Variants in ZFR observed in about 807,000 individuals in gnomAD.
ZFR encodes the protein zinc finger RNA binding protein, also known as zinc finger RNA-binding protein.
ZFR carries 19 observed loss-of-function variants against 130.7 expected under a neutral mutation model. The ratio of observed to expected loss-of-function variants is 0.15; its 90% CI spans 0.10 to 0.21. The LOEUF is 0.21. ZFR is among the 10% of genes least tolerant of loss of function. ZFR has a pLI of 1.00. For missense variants in ZFR, 872 were observed against 1,321.5 expected, an observed-to-expected ratio of 0.66 and a Z score of 5.27; for synonymous variants, 466 against 456.9, an observed-to-expected ratio of 1.02 and a Z score of -0.25.
At chr5:32,361,573 A>C (rs1419466914) in intron 19 of ZFR, among the ~76,000 whole-genome samples, 1 of 151,868 alleles carries the variant, frequency 6.6e-6, no homozygotes, top group East Asian at 1.9e-4. Flanking sequence ...ATGAATATTT[A>C]TACATTTTTA....
intron 14 of ZFR, 31 bp downstream of exon 14, chr5:32,387,518 G>C: frequency 6.2e-7 from 1 of 1,605,836 alleles, no homozygotes; most frequent in Non-Finnish European, 8.5e-7. Flanking sequence ...ACCAGACAAG[G>C]GGTAAAAATG....
chr5:32,380,216 T>C, intron 15 of ZFR, 44 bp from the exon 16 acceptor site: 1 of 1,491,366 alleles, frequency 6.7e-7, no homozygotes, highest in Non-Finnish European at 9.3e-7. Context: ...GAATGGGTGT[T>C]TGACCAGGTG....
At chr5:32,430,249 G>C (rs1754174625) in intron 2 of ZFR, among the ~76,000 whole-genome samples, 2 of 152,018 alleles carry the variant, frequency 1.3e-5, no homozygotes. Flanking sequence ...TCAAAACTAA[G>C]ACTAAGGAAC....
Position 32,435,196 on chromosome 5 carries a change from C to T in ZFR, c.137+9033G>A, listed in dbSNP as rs987060087. Among the ~76,000 whole-genome samples, 4 of 152,180 alleles carry T rather than the reference C, an allele frequency of 2.6e-5. No homozygotes were observed. The South Asian group carries it at 6.2e-4, about 24-fold the overall frequency. ...AAAATGCTGGGATTACAGGCATGAA[C>T]CACAACACCCGACCTCTGTAACTTT... is the stretch of plus-strand genomic sequence containing the variant. On this transcript the variant is annotated intron_variant, in intron 2 of 19. Coordinates refer to ENST00000265069, the MANE Select transcript of ZFR (RefSeq NM_016107.5).
chr5:32,392,630 T>A (rs1172002145), intron 11 of ZFR, among the ~76,000 whole-genome samples: 1 of 152,188 alleles, frequency 6.6e-6, no homozygotes, highest in Non-Finnish European at 1.5e-5. Context: ...TAGCAGGGGT[T>A]CTCCAGGTGC....
chr5:32,374,669 C>T (rs746305192), intron 17 of ZFR, among the ~76,000 whole-genome samples: 21 of 150,134 alleles, frequency 1.4e-4, no homozygotes, highest in Non-Finnish European at 2.5e-4. Context: ...ACTTTACTGG[C>T]TAGTCTAATC....
intron 2 of ZFR, among the ~76,000 whole-genome samples, chr5:32,422,508 T>C (rs1488258467): frequency 1.3e-5 from 2 of 151,982 alleles, no homozygotes; most frequent in African/African-American, 2.4e-5. Context: ...ACCAAAAGCA[T>C]GAGGAAGGCT....
In ZFR at chr5:32,354,631, TTAGA is replaced by T. The variant is rs1178266613; in HGVS notation, c.*1125_*1128del. ...ACCAAATAATTTTCTGTTTTTTTCCTTAGATAATTTTTTATCAGTAATACTTTAT... is the reference window on the plus strand; with the variant it reads ...ACCAAATAATTTTCTGTTTTTTTCCTTAATTTTTTATCAGTAATACTTTAT... On this transcript the variant is annotated 3_prime_UTR_variant, in exon 20 of 20. Coordinates refer to ENST00000265069, the MANE Select transcript of ZFR (RefSeq NM_016107.5). The T allele has an allele frequency of 2.0e-5, 3 of 152,768 alleles. No individual in the cohort carries two copies. The highest frequency in any genetic ancestry group is 6.5e-5 in the Admixed American group (1 of 15,306). The allele number at this position is 152,768 out of a possible 1,614,324, so 9.5% of individuals were successfully genotyped here.
At chr5:32,371,929 G>A (rs1438919853) in intron 17 of ZFR, among the ~76,000 whole-genome samples, 1 of 151,950 alleles carries the variant, frequency 6.6e-6, no homozygotes, top group African/African-American at 2.4e-5. Flanking sequence ...CTTGGTTCAG[G>A]GGAATATAAA....
chr5:32,443,539 C>G (rs1754519476), intron 2 of ZFR, among the ~76,000 whole-genome samples: 1 of 152,268 alleles, frequency 6.6e-6, no homozygotes, highest in Non-Finnish European at 1.5e-5. Context: ...CTTTTCCAGT[C>G]TAAGAACTAC....
intron 19 of ZFR, among the ~76,000 whole-genome samples, chr5:32,359,837 C>G (rs2111649285): frequency 6.6e-6 from 1 of 152,044 alleles, no homozygotes; most frequent in South Asian, 2.1e-4. Flanking sequence ...GTAATCCCAG[C>G]TACTCAGGAG....
chr5:32,439,004 A>T (rs1754401194), intron 2 of ZFR, among the ~76,000 whole-genome samples: 1 of 152,224 alleles, frequency 6.6e-6, no homozygotes, highest in African/African-American at 2.4e-5. Context: ...TTTTGTTCAT[A>T]GTGTACTATA....
intron 19 of ZFR, among the ~76,000 whole-genome samples, chr5:32,363,279 T>C (rs946426763): frequency 6.6e-6 from 1 of 152,192 alleles, no homozygotes; most frequent in Non-Finnish European, 1.5e-5. Flanking sequence ...CAATCTTAGG[T>C]TGATTTTTTT....
At chr5:32,428,596 G>A (rs901253921) in intron 2 of ZFR, among the ~76,000 whole-genome samples, 3 of 152,162 alleles carry the variant, frequency 2.0e-5, no homozygotes, top group African/African-American at 7.2e-5. Context: ...ATTATAGTAC[G>A]TTTAGCAGTT....
intron 2 of ZFR, among the ~76,000 whole-genome samples, chr5:32,426,196 T>C (rs368024395): frequency 1.3e-5 from 2 of 152,210 alleles, no homozygotes; most frequent in Non-Finnish European, 2.9e-5. Flanking sequence ...ACCTAAGCAG[T>C]GTGGCCCCAG....
chr5:32,415,515 T>TGTGTGTGCGC (rs1326041688), intron 4 of ZFR, among the ~76,000 whole-genome samples: 15 of 97,936 alleles, frequency 1.5e-4, no homozygotes, highest in South Asian at 3.0e-4. Flanking sequence ...TGTGTGTGTG[T>TGTGTGTGCGC]GCGCGCGCGC....
At position 32,390,375 on chromosome 5, in the gene ZFR, C is replaced by T. The variant is rs376553457; in HGVS notation, c.2042G>A (p.Arg681His). 100 of 1,614,024 alleles carry T rather than the reference C, an allele frequency of 6.2e-5. No homozygotes were observed. The highest frequency in any genetic ancestry group is 7.5e-5 in the Non-Finnish European group (89 of 1,180,014). The change falls in exon 12 of 20, where the codon CGC (arginine) becomes CAC (histidine). Residue 681 changes from arginine to histidine, a missense_variant. Arg to His is a conservative substitution (Grantham distance 29, BLOSUM62 0). Around this residue, in one of 7 missense-constraint regions of ZFR, gnomAD observed 225 missense variants for 282.4 expected, o/e 0.80. Coordinates refer to ENST00000265069, the MANE Select transcript of ZFR (RefSeq NM_016107.5). ...MEEEQHHWDD[R>H]RRMPDGGYPH... ...ATAACCTCCATCTGGCATTCGGCGG[C>T]GATCATCCCAATGATGTTGTTCTTC...
chr5:32,415,130 C>T lies in ZFR; in HGVS notation c.623G>A (p.Arg208Gln). The T allele has an allele frequency of 1.2e-6, 2 of 1,613,946 alleles. No homozygotes were observed. Among genetic ancestry groups the T allele is most frequent in the Non-Finnish European group, 1.7e-6 (2 of 1,179,968 alleles). Residue 208 changes from arginine to glutamine, a missense_variant, in exon 5 of 20, where the codon CGA becomes CAA. Coordinates refer to ENST00000265069, the MANE Select transcript of ZFR (RefSeq NM_016107.5). Reference protein sequence around the residue: ...ATQYTQAQQTRQVTAIKPATP... With the variant: ...ATQYTQAQQTQQVTAIKPATP... Reference sequence around the variant, plus strand: ...GGCTGGTTTTATGGCTGTCACTTGTCGAGTTTGCTGGGCTTGAGTATACTG... The same window carrying T: ...GGCTGGTTTTATGGCTGTCACTTGTTGAGTTTGCTGGGCTTGAGTATACTG...
At chr5:32,394,878 C>T (rs567179359) in intron 11 of ZFR, among the ~76,000 whole-genome samples, 12 of 151,928 alleles carry the variant, frequency 7.9e-5, no homozygotes, top group Non-Finnish European at 1.3e-4. Context: ...TGTTTGAAAC[C>T]GAGGCACTTA....
Sources: allele counts gnomAD v4.1 joint callset (sites outside exome capture counted in the v4.1 genomes callset), GRCh38; gene constraint gnomAD v4.1.1; regional missense constraint gnomAD v4.1.1; transcripts MANE v1.5; gene names NCBI Gene and HGNC (gene_info 2026-07-23, HGNC 2026-07-21).